Variants in BMPR1B observed in about 807,000 individuals in gnomAD.
BMPR1B encodes bone morphogenetic protein receptor type-1B.
Under a neutral mutation model 59.1 loss-of-function variants are expected in BMPR1B, and 12 were observed. The ratio of observed to expected loss-of-function variants is 0.20; its 90% CI spans 0.13 to 0.33. The LOEUF is 0.33. Among genes scored for constraint, BMPR1B ranks in the 10% least tolerant of loss-of-function variants. The probability of loss-of-function intolerance (pLI) is 1.00; values close to 1 mark genes in which losing one functional copy is unlikely to be tolerated. For missense variants in BMPR1B, 550 were observed against 610.9 expected (o/e 0.90, Z 1.05); for synonymous variants, 237 against 207.3 (o/e 1.14, Z -1.23).
At chr4:94,773,003 C>A (rs1722240451) in intron 1 of BMPR1B, among the ~76,000 whole-genome samples, 1 of 152,008 alleles carries the variant, frequency 6.6e-6, no homozygotes, top group Admixed American at 6.5e-5. Context: ...TCTTTGTGTT[C>A]TCATTTCTCA....
chr4:95,121,179 A>G (rs1454081580), intron 6 of BMPR1B, among the ~76,000 whole-genome samples: 2 of 152,342 alleles, frequency 1.3e-5, no homozygotes, highest in East Asian at 1.9e-4. Context: ...CCCATTTACA[A>G]TAGCCACAAA....
intron 11 of BMPR1B, among the ~76,000 whole-genome samples, chr4:95,151,987 A>G (rs1184111615): frequency 1.3e-5 from 2 of 152,208 alleles, no homozygotes; most frequent in African/African-American, 2.4e-5. Flanking sequence ...TGAAGATGCT[A>G]TAGATTTATA....
At chr4:95,001,962 T>C (rs1722481601) in intron 3 of BMPR1B, among the ~76,000 whole-genome samples, 1 of 152,196 alleles carries the variant, frequency 6.6e-6, no homozygotes, top group African/African-American at 2.4e-5. Context: ...AAGAGGTTTT[T>C]ATTGTTGTTG....
intron 1 of BMPR1B, among the ~76,000 whole-genome samples, chr4:94,758,993 C>T: frequency 6.6e-6 from 1 of 152,172 alleles, no homozygotes; most frequent in East Asian, 1.9e-4. Flanking sequence ...GCTCTCTGCG[C>T]CCATCTCTCT....
chr4:95,062,496 C>A (rs1727471463), intron 3 of BMPR1B, among the ~76,000 whole-genome samples: 1 of 152,074 alleles, frequency 6.6e-6, no homozygotes, highest in African/African-American at 2.4e-5. Context: ...AGTTCTAGGA[C>A]AAAAAATTTG....
At chr4:94,897,385 G>A (rs997312272) in intron 2 of BMPR1B, among the ~76,000 whole-genome samples, 10 of 152,028 alleles carry the variant, frequency 6.6e-5, no homozygotes, top group African/African-American at 2.4e-4. Context: ...AAGGCATTTG[G>A]GAATTTTGGC....
At chr4:94,945,436 T>C (rs1729671882) in intron 2 of BMPR1B, among the ~76,000 whole-genome samples, 1 of 152,166 alleles carries the variant, frequency 6.6e-6, no homozygotes, top group African/African-American at 2.4e-5. Context: ...TATATCTACT[T>C]CTTTTTTGTT....
At chr4:95,066,688 G>A (rs994134785) in intron 3 of BMPR1B, among the ~76,000 whole-genome samples, 2 of 152,164 alleles carry the variant, frequency 1.3e-5, no homozygotes, top group African/African-American at 4.8e-5. Flanking sequence ...TGTGGTCCCT[G>A]CAGTGGCATT....
At chr4:95,110,701 C>A (rs969593848) in intron 4 of BMPR1B, among the ~76,000 whole-genome samples, 1 of 152,148 alleles carries the variant, frequency 6.6e-6, no homozygotes, top group African/African-American at 2.4e-5. Flanking sequence ...GTCCCTATTC[C>A]TGGAAGTTAA....
At chr4:95,026,061 A>T (rs1294523599) in intron 3 of BMPR1B, among the ~76,000 whole-genome samples, 1 of 145,484 alleles carries the variant, frequency 6.9e-6, no homozygotes, top group East Asian at 2.0e-4. Flanking sequence ...TGCTCATTTT[A>T]TACCACCATG....
At position 94,816,231 on chromosome 4, in the gene BMPR1B, C is replaced by A. The variant is rs1724006119; in HGVS notation, c.-183+58163C>A. Among the ~76,000 whole-genome samples, 2 of 152,340 alleles carry A rather than the reference C, an allele frequency of 1.3e-5. 1 individual carries two copies. Among genetic ancestry groups the A allele is most frequent in the South Asian group, 4.1e-4 (2 of 4,828 alleles). Reference sequence around the variant, plus strand: ...GCACGATCTCAGCTGACTGCAACCTCTGCCTCCCAGGTTCAAGCGATTCTC... The same window carrying A: ...GCACGATCTCAGCTGACTGCAACCTATGCCTCCCAGGTTCAAGCGATTCTC... On this transcript the variant is annotated intron_variant, in intron 1 of 12. Transcript: ENST00000515059.
In BMPR1B at chr4:95,129,843, G is replaced by A. The variant is rs551926695; in HGVS notation, c.586-19G>A. 1 of 1,612,048 alleles carries A rather than the reference G, an allele frequency of 6.2e-7. No homozygotes were observed. The highest frequency in any genetic ancestry group is 1.7e-5 in the Admixed American group (1 of 59,920). On this transcript the variant is annotated intron_variant, in intron 8 of 12. Transcript: ENST00000515059. ...GTAGCGCTGTGAATACACTAACAGT[G>A]TGTTTTGGGATTTCACAGGTCCAAA...
At chr4:95,109,729 TAA>T (rs1731478973) in intron 4 of BMPR1B, among the ~76,000 whole-genome samples, 1 of 151,306 alleles carries the variant, frequency 6.6e-6, no homozygotes, top group Non-Finnish European at 1.5e-5. Context: ...TATTATACTT[TAA>T]GTTTTAGGGG....
At chr4:95,090,831 A>C (rs1486882024) in intron 3 of BMPR1B, among the ~76,000 whole-genome samples, 8 of 152,130 alleles carry the variant, frequency 5.3e-5, no homozygotes, top group Non-Finnish European at 1.2e-4. Flanking sequence ...CTCAAATATA[A>C]ATTTTATATC....
chr4:94,836,285 T>A (rs1490794141), intron 1 of BMPR1B, among the ~76,000 whole-genome samples: 1 of 151,474 alleles, frequency 6.6e-6, no homozygotes, highest in Non-Finnish European at 1.5e-5. Context: ...AGTAATGGGA[T>A]GGCTGGGTCA....
At chr4:94,796,881 A>G (rs539186259) in intron 1 of BMPR1B, among the ~76,000 whole-genome samples, 5 of 152,344 alleles carry the variant, frequency 3.3e-5, no homozygotes, top group Non-Finnish European at 5.9e-5. Context: ...ATAGTCAGGT[A>G]TAATAGAGTT....
chr4:94,877,992 G>A (rs1726797031), intron 2 of BMPR1B, among the ~76,000 whole-genome samples: 1 of 152,088 alleles, frequency 6.6e-6, no homozygotes, highest in Non-Finnish European at 1.5e-5. Flanking sequence ...ACATTGGAAT[G>A]ATATCGCCTA....
intron 2 of BMPR1B, among the ~76,000 whole-genome samples, chr4:94,981,979 T>C (rs1721110819): frequency 6.6e-6 from 1 of 152,180 alleles, no homozygotes; most frequent in African/African-American, 2.4e-5. Context: ...GGAATCCTGG[T>C]GGTCAGTCTT....
chr4:94,929,417 C>T (rs1729009652), intron 2 of BMPR1B, among the ~76,000 whole-genome samples: 1 of 152,104 alleles, frequency 6.6e-6, no homozygotes. Context: ...TCTGCTAAAA[C>T]TCTTTTGCAA....
Sources: gnomAD v4.1 joint callset for allele counts (sites outside exome capture counted in the v4.1 genomes callset) on GRCh38, gnomAD v4.1.1 for gene constraint, MANE v1.5 for transcripts, NCBI Gene and HGNC (gene_info 2026-07-23, HGNC 2026-07-21) for gene names.